The following NSMCE2 variants were observed in gnomAD, a reference collection of about 807,000 sequenced individuals.
NSMCE2 encodes the protein NSE2 SUMO ligase component of SMC5/6 complex, also known as E3 SUMO-protein ligase NSE2.
Under a neutral mutation model 23.8 loss-of-function variants are expected in NSMCE2, and 24 were observed. That is an observed-to-expected ratio of 1.01 (90% confidence interval 0.73 to 1.42). The LOEUF (loss-of-function observed/expected upper bound fraction) is 1.42. Among genes scored for constraint, NSMCE2 ranks in the 40% most tolerant of loss-of-function variants. The pLI, the probability that NSMCE2 is intolerant of heterozygous loss-of-function variation, is 0.00. For missense variants in NSMCE2, 284 were observed against 296.5 expected (o/e 0.96, Z 0.31); for synonymous variants, 92 against 94.1 (o/e 0.98, Z 0.13).
intron 5 of NSMCE2, among the ~76,000 whole-genome samples, chr8:125,272,353 G>C (rs969953092): frequency 6.6e-6 from 1 of 151,586 alleles, no homozygotes; most frequent in Non-Finnish European, 1.5e-5. Flanking sequence ...TACACTAGAA[G>C]TTTAATGTCC....
chr8:125,326,956 CAA>C (rs879690048), intron 5 of NSMCE2, among the ~76,000 whole-genome samples: 1 of 106,808 alleles, frequency 9.4e-6, no homozygotes, highest in Middle Eastern at 7.9e-3. Context: ...AACTCCATTT[CAA>C]AAAAAAAAAG....
At chr8:125,344,679 G>T (rs1264184743) in intron 5 of NSMCE2, among the ~76,000 whole-genome samples, 1 of 150,604 alleles carries the variant, frequency 6.6e-6, no homozygotes, top group African/African-American at 2.4e-5. Flanking sequence ...GGAGGCAGAG[G>T]CTATAGTGAG....
intron 1 of NSMCE2, among the ~76,000 whole-genome samples, chr8:125,097,544 G>A (rs1458172397): frequency 6.6e-6 from 1 of 152,090 alleles, no homozygotes; most frequent in African/African-American, 2.4e-5. Context: ...TCCAAATCCT[G>A]AGTACCTTTT....
rs1332483184 is a variant in NSMCE2 at position 125,367,025 on chromosome 8, C to T, written c.*140C>T. On this transcript the variant is annotated 3_prime_UTR_variant, in exon 8 of 8. Transcript: ENST00000287437. The stretch of plus-strand genomic sequence containing the variant: ...GTAAAACTTGTTGCTTTTATGTGTG[C>T]TTGAAAACATTTTTCAAAGTTACAC... 1.7e-6 allele frequency: 1 copy of T among 596,200 alleles called. No homozygotes were observed. The highest frequency in any genetic ancestry group is 2.9e-5 in the Admixed American group (1 of 34,576). 36.9% of individuals were successfully genotyped at this position (596,200 alleles called of 1,614,324 possible).
chr8:125,116,545 T>C (rs749310086), intron 3 of NSMCE2, among the ~76,000 whole-genome samples: 3 of 152,202 alleles, frequency 2.0e-5, no homozygotes, highest in African/African-American at 7.2e-5. Flanking sequence ...GCTTTTATAA[T>C]GTTAGAATTG....
At position 125,357,830 on chromosome 8, in the gene NSMCE2, C is replaced by G; in HGVS notation, c.626+12C>G. 1 of 1,588,238 alleles carries G rather than the reference C, an allele frequency of 6.3e-7. No homozygotes were observed. The highest frequency in any genetic ancestry group is 1.1e-5 in the South Asian group (1 of 90,596). On this transcript the variant is annotated intron_variant, in intron 7 of 7. Coordinates refer to ENST00000287437, the MANE Select transcript of NSMCE2 (RefSeq NM_173685.4). ...AAGAAAAAGGCCTAGTGAGTGGACGCAGGGAAGGAAGTGGAGCCTTCCCTA... is the reference window on the plus strand; with the variant it reads ...AAGAAAAAGGCCTAGTGAGTGGACGGAGGGAAGGAAGTGGAGCCTTCCCTA...
chr8:125,301,016 A>G (rs767658903), intron 5 of NSMCE2, among the ~76,000 whole-genome samples: 5 of 152,186 alleles, frequency 3.3e-5, no homozygotes, highest in Non-Finnish European at 5.9e-5. Context: ...TTGACTGCTC[A>G]GTTATTTCTG....
At chr8:125,181,819 C>T (rs1430571874) in intron 4 of NSMCE2, among the ~76,000 whole-genome samples, 2 of 152,108 alleles carry the variant, frequency 1.3e-5, no homozygotes, top group Non-Finnish European at 2.9e-5. Flanking sequence ...TTGTGATTTT[C>T]CCTGGCAGTT....
intron 5 of NSMCE2, among the ~76,000 whole-genome samples, chr8:125,344,809 CATGTA>C (rs1830376568): frequency 1.3e-5 from 2 of 151,650 alleles, no homozygotes; most frequent in South Asian, 2.1e-4. Flanking sequence ...TTTTTCACCT[CATGTA>C]ATGTAAGCAT....
chr8:125,345,931 A>G (rs1380383046), intron 5 of NSMCE2, among the ~76,000 whole-genome samples: 2 of 152,164 alleles, frequency 1.3e-5, no homozygotes, highest in Non-Finnish European at 2.9e-5. Flanking sequence ...CAAGGCAGGC[A>G]GATCACCTGA....
At chr8:125,280,434 C>CAGA (rs1369652236) in intron 5 of NSMCE2, among the ~76,000 whole-genome samples, 1 of 152,220 alleles carries the variant, frequency 6.6e-6, no homozygotes, top group East Asian at 1.9e-4. Flanking sequence ...AAGCCTATTA[C>CAGA]ATTCTTTTAT....
intron 3 of NSMCE2, among the ~76,000 whole-genome samples, chr8:125,145,502 G>GTGA (rs1820629445): frequency 3.3e-5 from 5 of 152,080 alleles, no homozygotes; most frequent in African/African-American, 1.2e-4. Flanking sequence ...ACTTCTCCAT[G>GTGA]TATTTATTGG....
At chr8:125,237,154 C>T (rs905677044) in intron 5 of NSMCE2, among the ~76,000 whole-genome samples, 1 of 152,110 alleles carries the variant, frequency 6.6e-6, no homozygotes, top group Non-Finnish European at 1.5e-5. Flanking sequence ...ATGTGGTGCC[C>T]CTCTTGATCC....
At chr8:125,132,819 G>T (rs1277239796) in intron 3 of NSMCE2, among the ~76,000 whole-genome samples, 4 of 152,056 alleles carry the variant, frequency 2.6e-5, no homozygotes, top group African/African-American at 9.7e-5. Context: ...GTTAAAAATG[G>T]ATACAATACT....
chr8:125,168,074 A>G (rs1821988040), intron 4 of NSMCE2, among the ~76,000 whole-genome samples: 1 of 152,212 alleles, frequency 6.6e-6, no homozygotes, highest in African/African-American at 2.4e-5. Context: ...TGTTGGAAGA[A>G]TTTTTGAAAT....
At chr8:125,352,031 G>T (rs928515352) in intron 5 of NSMCE2, among the ~76,000 whole-genome samples, 1 of 151,998 alleles carries the variant, frequency 6.6e-6, no homozygotes, top group Admixed American at 6.6e-5. Flanking sequence ...TATATACATA[G>T]TGGGGCTTAA....
chr8:125,213,372 C>T (rs746552708), intron 5 of NSMCE2, among the ~76,000 whole-genome samples: 8 of 152,104 alleles, frequency 5.3e-5, no homozygotes, highest in Non-Finnish European at 8.8e-5. Context: ...GATTTCACTG[C>T]CCATATTGCT....
chr8:125,303,013 G>T (rs1445675355), intron 5 of NSMCE2, among the ~76,000 whole-genome samples: 1 of 152,090 alleles, frequency 6.6e-6, no homozygotes, highest in Non-Finnish European at 1.5e-5. Flanking sequence ...CACACTCCCC[G>T]CATCTTCTGT....
intron 5 of NSMCE2, among the ~76,000 whole-genome samples, chr8:125,257,411 T>C (rs1197777671): frequency 1.3e-5 from 2 of 150,908 alleles, no homozygotes; most frequent in Non-Finnish European, 3.0e-5. Context: ...AGTCAGAGAG[T>C]TGAAAAAGGG....
Sources: gnomAD v4.1 joint callset for allele counts (sites outside exome capture counted in the v4.1 genomes callset) on GRCh38, gnomAD v4.1.1 for gene constraint, MANE v1.5 for transcripts, NCBI Gene and HGNC (gene_info 2026-07-23, HGNC 2026-07-21) for gene names.